Variants in TRPC7 observed in about 807,000 individuals in gnomAD.
The protein encoded by TRPC7 is short transient receptor potential channel 7.
In TRPC7, 42 loss-of-function variants were observed where a neutral mutation model predicts 90.1. The observed-to-expected ratio is 0.47, with a 90% confidence interval of 0.36 to 0.60. The LOEUF is 0.60. TRPC7 is among the 20% of genes least tolerant of loss of function. The probability of loss-of-function intolerance (pLI) is 0.00; values close to 1 mark genes in which losing one functional copy is unlikely to be tolerated. For missense variants in TRPC7, 955 were observed against 1,112.3 expected (o/e 0.86, Z 2.01); for synonymous variants, 451 against 436.3 (o/e 1.03, Z -0.42).
At chr5:136,233,244 T>G (rs908483307) in intron 7 of TRPC7, among the ~76,000 whole-genome samples, 1 of 152,254 alleles carries the variant, frequency 6.6e-6, no homozygotes, top group African/African-American at 2.4e-5. Context: ...ATTTAATTCA[T>G]TTTAGCATTA....
At position 136,241,352 on chromosome 5, in the gene TRPC7, A is replaced by G. The variant is rs181091036; in HGVS notation, c.1844+6119T>C. Among the ~76,000 whole-genome samples, 11 of 152,378 alleles carry G rather than the reference A, an allele frequency of 7.2e-5. No individual in the cohort carries two copies. The Middle Eastern group carries it at 0.01, about 141-fold the overall frequency. Reference sequence around the variant, plus strand: ...GGGCTGAGATGATCTTTTGAGAAACAGAACACACATTTAGTCTCCAATCAG... The same window carrying G: ...GGGCTGAGATGATCTTTTGAGAAACGGAACACACATTTAGTCTCCAATCAG... On this transcript the variant is annotated intron_variant, in intron 7 of 11. Coordinates refer to ENST00000513104, the MANE Select transcript of TRPC7 (RefSeq NM_020389.3).
intron 2 of TRPC7, among the ~76,000 whole-genome samples, chr5:136,317,868 G>C (rs1279037202): frequency 6.6e-6 from 1 of 152,218 alleles, no homozygotes; most frequent in East Asian, 1.9e-4. Flanking sequence ...ATTGCCCAGA[G>C]CTTCCTCACA....
intron 1 of TRPC7, among the ~76,000 whole-genome samples, chr5:136,358,147 A>G (rs2149862714): frequency 6.6e-6 from 1 of 152,320 alleles, no homozygotes; most frequent in East Asian, 1.9e-4. Context: ...AGGGAGCAGG[A>G]CTAGAATCCT....
At chr5:136,305,235 C>A (rs968709749) in intron 3 of TRPC7, among the ~76,000 whole-genome samples, 10 of 151,992 alleles carry the variant, frequency 6.6e-5, no homozygotes, top group African/African-American at 2.4e-4. Flanking sequence ...TGATATTCAC[C>A]CCATTTCCCC....
chr5:136,220,424 C>T lies in TRPC7; in HGVS notation c.2344-4149G>A, dbSNP rs147028352. 1.5e-3 allele frequency among the ~76,000 whole-genome samples: 230 copies of T among 152,180 alleles called. 1 individual carries two copies. Among genetic ancestry groups the T allele is most frequent in the African/African-American group, 5.1e-3 (212 of 41,506 alleles). On this transcript the variant is annotated intron_variant, in intron 10 of 11. Coordinates refer to ENST00000513104, the MANE Select transcript of TRPC7 (RefSeq NM_020389.3). Reference sequence around the variant, plus strand: ...TCCTGGGGGGCAGTCTATAAATGGCCGCTCTGGGAGTGTCTGTCTTATGAG... The same window carrying T: ...TCCTGGGGGGCAGTCTATAAATGGCTGCTCTGGGAGTGTCTGTCTTATGAG...
rs374026336 is a variant in TRPC7, at chr5:136,230,195, G to A, written c.2040+1159C>T. Among the ~76,000 whole-genome samples the A allele has an allele frequency of 1.4e-4, 21 of 152,274 alleles. No individual in the cohort carries two copies. The South Asian group carries it at 4.4e-3, about 32-fold the overall frequency. On this transcript the variant is annotated intron_variant, in intron 8 of 11. Coordinates refer to ENST00000513104, the MANE Select transcript of TRPC7 (RefSeq NM_020389.3). ...GATATTGGATCTATTCCCAGAATTG[G>A]AATTGTTGAGTCAATAGGTCAGTGC...
At chr5:136,244,431 G>T (rs1410004727) in intron 7 of TRPC7, among the ~76,000 whole-genome samples, 1 of 152,216 alleles carries the variant, frequency 6.6e-6, no homozygotes, top group African/African-American at 2.4e-5. Flanking sequence ...GAGAGGGATT[G>T]CAGAGAATAC....
chr5:136,273,863 A>G (rs990350771), intron 4 of TRPC7, among the ~76,000 whole-genome samples: 3 of 152,208 alleles, frequency 2.0e-5, no homozygotes, highest in Non-Finnish European at 2.9e-5. Flanking sequence ...TCTTAAAAGC[A>G]CTGACTCTTC....
At chr5:136,320,560 C>A (rs1475516010) in intron 2 of TRPC7, among the ~76,000 whole-genome samples, 1 of 152,168 alleles carries the variant, frequency 6.6e-6, no homozygotes, top group African/African-American at 2.4e-5. Context: ...ACATCATTCT[C>A]CCAACATTAC....
At chr5:136,230,967 G>A (rs1380279137) in intron 8 of TRPC7, among the ~76,000 whole-genome samples, 1 of 152,178 alleles carries the variant, frequency 6.6e-6, no homozygotes, top group Non-Finnish European at 1.5e-5. Context: ...GGTATCACCA[G>A]TGCCTAGTGC....
intron 3 of TRPC7, among the ~76,000 whole-genome samples, chr5:136,295,043 A>C (rs1580915066): frequency 6.6e-6 from 1 of 152,302 alleles, no homozygotes; most frequent in East Asian, 1.9e-4. Context: ...CAAGGACAAA[A>C]AGCCAAACAC....
intron 2 of TRPC7, among the ~76,000 whole-genome samples, chr5:136,334,467 C>A (rs1759589581): frequency 6.6e-6 from 1 of 152,212 alleles, no homozygotes; most frequent in Admixed American, 6.5e-5. Flanking sequence ...ACACATTTCA[C>A]TTTGGTGCTT....
At chr5:136,360,261 C>T (rs1010099601) in intron 1 of TRPC7, among the ~76,000 whole-genome samples, 1 of 151,888 alleles carries the variant, frequency 6.6e-6, no homozygotes. Flanking sequence ...GATATTCAAG[C>T]ATTGTTTGTT....
chr5:136,253,036 C>T (rs1350816087), intron 5 of TRPC7, among the ~76,000 whole-genome samples: 4 of 152,154 alleles, frequency 2.6e-5, no homozygotes, highest in Non-Finnish European at 4.4e-5. Context: ...TTGAGATGTG[C>T]TGTAAATGTA....
intron 8 of TRPC7, among the ~76,000 whole-genome samples, chr5:136,231,046 T>C (rs1039471110): frequency 3.3e-5 from 5 of 152,086 alleles, no homozygotes; most frequent in African/African-American, 4.8e-5. Flanking sequence ...GGGCTGAAAG[T>C]CATTCTGATT....
intron 11 of TRPC7, among the ~76,000 whole-genome samples, chr5:136,214,952 C>G (rs1263819268): frequency 6.6e-6 from 1 of 152,126 alleles, no homozygotes; most frequent in African/African-American, 2.4e-5. Context: ...GACTGGAAAA[C>G]AACCCAAACA....
intron 1 of TRPC7, among the ~76,000 whole-genome samples, chr5:136,357,913 C>G (rs1477244207): frequency 6.6e-6 from 1 of 152,096 alleles, no homozygotes; most frequent in South Asian, 2.1e-4. Context: ...CTTTTTATGC[C>G]CAGCTCTCCA....
At chr5:136,290,064 G>A (rs892369264) in intron 3 of TRPC7, among the ~76,000 whole-genome samples, 1 of 152,206 alleles carries the variant, frequency 6.6e-6, no homozygotes, top group East Asian at 1.9e-4. Context: ...AACTCCAACA[G>A]ACCTGCAGCT....
At chr5:136,257,638 G>C (rs1043094033) in intron 5 of TRPC7, among the ~76,000 whole-genome samples, 2 of 152,082 alleles carry the variant, frequency 1.3e-5, no homozygotes, top group East Asian at 3.9e-4. Flanking sequence ...TACAATGGTA[G>C]GGCAGAACCA....
Sources: allele counts gnomAD v4.1 joint callset (sites outside exome capture counted in the v4.1 genomes callset), GRCh38; gene constraint gnomAD v4.1.1; transcripts MANE v1.5; gene names NCBI Gene and HGNC (gene_info 2026-07-23, HGNC 2026-07-21).